The following COL21A1 variants were observed in gnomAD, a reference collection of about 807,000 sequenced individuals.
The protein encoded by COL21A1 is collagen alpha-1(XXI) chain.
Under a neutral mutation model 137.9 loss-of-function variants are expected in COL21A1, and 149 were observed. The ratio of observed to expected loss-of-function variants is 1.08; its 90% CI spans 0.95 to 1.24. The LOEUF is 1.24. Among genes scored for constraint, COL21A1 ranks in the 50% most tolerant of loss-of-function variants. The probability of loss-of-function intolerance (pLI) is 0.00; values close to 1 mark genes in which losing one functional copy is unlikely to be tolerated. For synonymous variants in COL21A1, 456 were observed against 391.5 expected (o/e 1.16, Z -1.95); for missense variants, 1,167 against 1,158.4 (o/e 1.01, Z -0.11).
At chr6:56,233,800 C>A (rs202174244) in intron 1 of COL21A1, among the ~76,000 whole-genome samples, 14 of 149,564 alleles carry the variant, frequency 9.4e-5, no homozygotes, top group South Asian at 2.1e-4. Context: ...AAGAATAGAG[C>A]AAAAAAATCC....
intron 1 of COL21A1, among the ~76,000 whole-genome samples, chr6:56,271,137 T>C (rs371931230): frequency 3.9e-5 from 6 of 152,256 alleles, no homozygotes; most frequent in South Asian, 4.2e-4. Flanking sequence ...CTAGAGACTG[T>C]TGAATGGTTT....
intron 12 of COL21A1, chr6:56,126,587 G>C (rs1320823855): frequency 6.4e-6 from 1 of 155,346 alleles, no homozygotes; most frequent in African/African-American, 2.4e-5. Flanking sequence ...TTTAAAAATT[G>C]CTTATCTTAC....
intron 1 of COL21A1, among the ~76,000 whole-genome samples, chr6:56,268,261 G>A (rs983793498): frequency 6.6e-6 from 1 of 152,112 alleles, no homozygotes; most frequent in Non-Finnish European, 1.5e-5. Context: ...CTATCGCCCT[G>A]CCATGGCCTC....
chr6:56,202,130 C>T (rs757759432), intron 1 of COL21A1, among the ~76,000 whole-genome samples: 1 of 151,944 alleles, frequency 6.6e-6, no homozygotes, highest in Non-Finnish European at 1.5e-5. Flanking sequence ...TCTAGATGAT[C>T]AAGACTGAAG....
chr6:56,280,879 G>T (rs1335916244), intron 1 of COL21A1, among the ~76,000 whole-genome samples: 2 of 152,174 alleles, frequency 1.3e-5, no homozygotes, highest in East Asian at 3.9e-4. Context: ...AAAATAGCTG[G>T]GTGTGGCGGC....
chr6:56,061,823 C>A, intron 24 of COL21A1, 142 bp from the exon 25 acceptor site: 2 of 519,682 alleles, frequency 3.8e-6, no homozygotes, highest in Middle Eastern at 4.7e-4. Context: ...AATTACAGAC[C>A]CTTTTTGCCT....
chr6:56,272,200 AG>A (rs1226598640), intron 1 of COL21A1, among the ~76,000 whole-genome samples: 1 of 152,222 alleles, frequency 6.6e-6, no homozygotes, highest in Non-Finnish European at 1.5e-5. Flanking sequence ...AAGCAGTCAC[AG>A]GGGCAGAGCT....
At chr6:56,327,533 T>G (rs1212786254) in intron 1 of COL21A1, among the ~76,000 whole-genome samples, 6 of 151,862 alleles carry the variant, frequency 4.0e-5, no homozygotes, top group Non-Finnish European at 5.9e-5. Context: ...ACATGTGGTG[T>G]AGGGGAACAT....
chr6:56,204,180 G>A (rs1779594171), intron 1 of COL21A1, among the ~76,000 whole-genome samples: 1 of 152,056 alleles, frequency 6.6e-6, no homozygotes, highest in Admixed American at 6.6e-5. Context: ...GGAGCCAAGT[G>A]GTCTAGCTCC....
At chr6:56,302,449 T>C (rs941027724) in intron 1 of COL21A1, among the ~76,000 whole-genome samples, 4 of 151,990 alleles carry the variant, frequency 2.6e-5, no homozygotes, top group African/African-American at 9.7e-5. Flanking sequence ...TATCTCATTG[T>C]GGTTTTGATT....
At chr6:56,125,774 T>C (rs944838957) in intron 13 of COL21A1, among the ~76,000 whole-genome samples, 154 bp from the exon 14 acceptor site, 4 of 152,032 alleles carry the variant, frequency 2.6e-5, no homozygotes, top group African/African-American at 9.7e-5. Flanking sequence ...AAGGCCCTCA[T>C]TTCCAGGCTT....
intron 1 of COL21A1, among the ~76,000 whole-genome samples, chr6:56,198,187 G>A (rs1447873392): frequency 1.3e-5 from 2 of 152,100 alleles, no homozygotes; most frequent in East Asian, 3.9e-4. Context: ...CAGAAACAGA[G>A]AGTAGAATGT....
chr6:56,074,533 T>G (rs1767040026), intron 19 of COL21A1, among the ~76,000 whole-genome samples: 1 of 151,418 alleles, frequency 6.6e-6, no homozygotes, highest in Admixed American at 6.6e-5. Flanking sequence ...TTACAAAAAC[T>G]ACAAATAGAG....
chr6:56,384,723 A>G lies in COL21A1; in HGVS notation c.-39+9248T>C, dbSNP rs1451175214. Among the ~76,000 whole-genome samples the G allele has an allele frequency of 2.0e-5, 3 of 152,160 alleles. No homozygotes were observed. The East Asian group carries it at 5.8e-4, about 29-fold the overall frequency. On this transcript the variant is annotated intron_variant, in intron 1 of 28. Coordinates refer to the COL21A1 transcript ENST00000370819. ...ATATTTTTAGGCGGCTGGTAAGAGC[A>G]CCAGCCTGGAGAGAAGACTCAACCC...
At chr6:56,306,658 T>C (rs1764467838) in intron 1 of COL21A1, among the ~76,000 whole-genome samples, 1 of 152,194 alleles carries the variant, frequency 6.6e-6, no homozygotes, top group Non-Finnish European at 1.5e-5. Context: ...GTTTTTAACT[T>C]CTTTGCCATG....
intron 1 of COL21A1, among the ~76,000 whole-genome samples, chr6:56,379,270 A>G (rs1404358020): frequency 6.6e-6 from 1 of 152,254 alleles, no homozygotes; most frequent in Admixed American, 6.5e-5. Context: ...AAACAGAGAT[A>G]TGTGACCTTT....
chr6:56,357,312 G>C (rs1453149781), intron 1 of COL21A1, among the ~76,000 whole-genome samples: 1 of 152,112 alleles, frequency 6.6e-6, no homozygotes, highest in African/African-American at 2.4e-5. Context: ...CTCCAAAATG[G>C]AAGTGTATCT....
chr6:56,126,140 C>T lies in COL21A1; in HGVS notation c.1552G>A (p.Gly518Arg), dbSNP rs1408883523. ...TGAAGCCCAGGAAAACCAGGAAGTC[C>T]ACGATCACCCTGAAAATAAAACTGA... ...PGRDGDKGDR[G>R]LPGFPGLHGM... Residue 518 changes from glycine (G) to arginine (R), a missense_variant, in exon 13 of 30, where the codon GGA becomes AGA. By Grantham distance (125) the Gly-to-Arg change is moderately radical (BLOSUM62 -2). Coordinates refer to ENST00000244728, the MANE Select transcript of COL21A1 (RefSeq NM_030820.4). 1.3e-6 allele frequency: 2 copies of T among 1,545,694 alleles called. No individual in the cohort carries two copies. The highest frequency in any genetic ancestry group is 8.8e-7 in the Non-Finnish European group (1 of 1,142,730).
intron 1 of COL21A1, among the ~76,000 whole-genome samples, chr6:56,294,052 G>A (rs966955119): frequency 2.0e-5 from 3 of 152,078 alleles, no homozygotes; most frequent in Non-Finnish European, 4.4e-5. Flanking sequence ...GATTTGAAAT[G>A]GCAATTTAGT....
Sources: allele counts gnomAD v4.1 joint callset (sites outside exome capture counted in the v4.1 genomes callset), GRCh38; gene constraint gnomAD v4.1.1; transcripts MANE v1.5; gene names NCBI Gene and HGNC (gene_info 2026-07-23, HGNC 2026-07-21).